Variants in GFOD1 observed in about 807,000 individuals in gnomAD.
GFOD1 encodes the protein glucose-fructose oxidoreductase domain-containing protein 1.
In GFOD1, 9 loss-of-function variants were observed where a neutral mutation model predicts 25.4. The ratio of observed to expected loss-of-function variants is 0.35; its 90% CI spans 0.21 to 0.62. GFOD1 has a LOEUF of 0.62. Ranked by LOEUF, GFOD1 falls within the 20% of genes least tolerant of loss-of-function variation. The pLI is 0.72. For synonymous variants in GFOD1, 253 were observed against 245.6 expected, an observed-to-expected ratio of 1.03 and a Z score of -0.28; for missense variants, 403 against 556.9, an observed-to-expected ratio of 0.72 and a Z score of 2.78.
intron 1 of GFOD1, among the ~76,000 whole-genome samples, chr6:13,439,697 A>T (rs146574281): frequency 3.5e-4 from 53 of 152,338 alleles, no homozygotes; most frequent in African/African-American, 1.2e-3. Context: ...GGAAACATGT[A>T]TGTTAGATAA....
chr6:13,447,740 CAAAAAAAAAAAAAA>C (rs34431944), intron 1 of GFOD1, among the ~76,000 whole-genome samples: 7 of 31,916 alleles, frequency 2.2e-4, no homozygotes, highest in East Asian at 2.6e-3. Context: ...GACTCCTTCT[CAAAAAAAAAAAAAA>C]AAAAAAAAAA....
At chr6:13,377,312 T>C (rs1231286166) in intron 1 of GFOD1, among the ~76,000 whole-genome samples, 3 of 152,226 alleles carry the variant, frequency 2.0e-5, no homozygotes, top group Non-Finnish European at 2.9e-5. Flanking sequence ...TTTTCAGTTC[T>C]CTAGAACAGA....
chr6:13,465,222 T>TAAA (rs36004362), intron 1 of GFOD1, among the ~76,000 whole-genome samples: 23,218 of 150,906 alleles, frequency 0.15, 2,022 homozygotes, highest in South Asian at 0.26. Flanking sequence ...GCTGATGAGC[T>TAAA]AAAAAAAAAT....
chr6:13,486,260 C>A lies in GFOD1; in HGVS notation c.253+378G>T, dbSNP rs1323900359. ...TCCACCCCCCCATCCCCCCCCCCCACACACACACACTTGGACACTACACAC... is the reference window on the plus strand; with the variant it reads ...TCCACCCCCCCATCCCCCCCCCCCAAACACACACACTTGGACACTACACAC... On this transcript the variant is annotated intron_variant, in intron 1 of 1. Coordinates refer to ENST00000379287, the MANE Select transcript of GFOD1 (RefSeq NM_018988.4). 2.4e-5 allele frequency: 6 copies of A among 253,802 alleles called. No individual in the cohort carries two copies. The South Asian group carries it at 4.8e-4, about 20-fold the overall frequency. The allele number at this position is 253,802 out of a possible 1,614,324, so 15.7% of individuals were successfully genotyped here. A position where few individuals can be genotyped will look rare whatever the true frequency, so the allele number is the denominator to read the frequency against.
intron 1 of GFOD1, among the ~76,000 whole-genome samples, chr6:13,435,151 G>A (rs540305582): frequency 8.5e-5 from 13 of 152,232 alleles, no homozygotes; most frequent in Non-Finnish European, 1.3e-4. Context: ...TTACCTACCC[G>A]GGAACAGAGT....
At chr6:13,471,872 T>C (rs1758514007) in intron 1 of GFOD1, 1 of 152,546 alleles carries the variant, frequency 6.6e-6, no homozygotes, top group African/African-American at 2.4e-5. Flanking sequence ...GGCCTTTGAG[T>C]GCTTGAAATG....
intron 1 of GFOD1, chr6:13,407,832 C>G (rs1029571323): frequency 4.7e-6 from 2 of 422,540 alleles, no homozygotes; most frequent in East Asian, 1.6e-4. Flanking sequence ...ATTGCAAACA[C>G]AAACCCTTTG....
intron 1 of GFOD1, among the ~76,000 whole-genome samples, chr6:13,390,609 C>A (rs188129347): frequency 6.7e-6 from 1 of 148,948 alleles, no homozygotes; most frequent in Non-Finnish European, 1.5e-5. Flanking sequence ...TGCCTGTAGT[C>A]CCAGTGACTA....
intron 1 of GFOD1, among the ~76,000 whole-genome samples, chr6:13,429,539 A>G (rs1757713173): frequency 6.6e-6 from 1 of 152,204 alleles, no homozygotes; most frequent in Non-Finnish European, 1.5e-5. Flanking sequence ...GTACAACAGG[A>G]ACTGCTGACG....
intron 1 of GFOD1, among the ~76,000 whole-genome samples, chr6:13,416,082 G>A (rs558705090): frequency 3.3e-5 from 5 of 152,180 alleles, no homozygotes; most frequent in Non-Finnish European, 7.3e-5. Context: ...ATGATAGTGA[G>A]TGAATTCTCA....
intron 1 of GFOD1, among the ~76,000 whole-genome samples, chr6:13,366,995 T>A (rs1447778100): frequency 3.9e-5 from 6 of 151,932 alleles, no homozygotes; most frequent in Non-Finnish European, 7.4e-5. Flanking sequence ...GTTATTTAAA[T>A]ACAAAATATT....
intron 1 of GFOD1, among the ~76,000 whole-genome samples, chr6:13,409,172 A>AAAAGAAAGAAAG (rs1554201904): frequency 1.9e-5 from 1 of 53,192 alleles, no homozygotes; most frequent in African/African-American, 5.7e-5. Flanking sequence ...GAAAGGAAAG[A>AAAAGAAAGAAAG]GAGAGAGAGA....
intron 1 of GFOD1, among the ~76,000 whole-genome samples, chr6:13,372,052 T>C (rs1785164471): frequency 6.6e-6 from 1 of 152,234 alleles, no homozygotes; most frequent in African/African-American, 2.4e-5. Context: ...TTTTGAAGGC[T>C]TTGGGGCTTG....
chr6:13,479,981 G>T (rs1758711754), intron 1 of GFOD1, among the ~76,000 whole-genome samples: 1 of 152,178 alleles, frequency 6.6e-6, no homozygotes, highest in Admixed American at 6.5e-5. Context: ...TGCATCATGA[G>T]CATTATCTGC....
chr6:13,365,878 CAATAATAATAAT>C lies in GFOD1; in HGVS notation c.254-228_254-217del, dbSNP rs58256557. On this transcript the variant is annotated intron_variant, in intron 1 of 1. Transcript: ENST00000379287. This position sits in a 1 kb window ranked among gnomAD's most constrained non-coding sequence, Gnocchi z 9.2. The stretch of plus-strand genomic sequence containing the variant: ...TGGGTAACACAGAGAGATCCTGTCT[CAATAATAATAAT>C]AATAATAATAATAATAATAATAATA... 3.0e-3 allele frequency among the ~76,000 whole-genome samples: 401 copies of C among 133,906 alleles called. 2 individuals are homozygous for C. Among genetic ancestry groups the C allele is most frequent in the Middle Eastern group, 7.6e-3 (2 of 264 alleles). The allele number at this position is 133,906 out of a possible 152,430, so 87.8% of individuals were successfully genotyped here.
At chr6:13,397,157 T>A (rs1785749044) in intron 1 of GFOD1, among the ~76,000 whole-genome samples, 1 of 152,158 alleles carries the variant, frequency 6.6e-6, no homozygotes, top group South Asian at 2.1e-4. Context: ...CACAGTGGTC[T>A]CGAACTCCTG....
chr6:13,475,867 G>C (rs148221898), intron 1 of GFOD1, among the ~76,000 whole-genome samples: 4,207 of 151,828 alleles, frequency 0.028, 171 homozygotes, highest in African/African-American at 0.096. Context: ...GAGGTTGCAG[G>C]GAGTTGAGAT....
intron 1 of GFOD1, among the ~76,000 whole-genome samples, chr6:13,447,098 T>C (rs909528997): frequency 1.3e-5 from 2 of 150,712 alleles, no homozygotes; most frequent in African/African-American, 2.5e-5. Flanking sequence ...ATTAGTGTCC[T>C]AGGACTGCTG....
intron 1 of GFOD1, among the ~76,000 whole-genome samples, chr6:13,424,869 T>C (rs1217449884): frequency 6.6e-6 from 1 of 151,592 alleles, no homozygotes; most frequent in Non-Finnish European, 1.5e-5. Context: ...ATAACAACAA[T>C]AACTGTAGCA....
Sources: allele counts gnomAD v4.1 joint callset (sites outside exome capture counted in the v4.1 genomes callset), GRCh38; gene constraint gnomAD v4.1.1; non-coding constraint Gnocchi (gnomAD v3.1); transcripts MANE v1.5; gene names NCBI Gene and HGNC (gene_info 2026-07-23, HGNC 2026-07-21).